The following SPICE1 variants were observed in gnomAD, a reference collection of about 807,000 sequenced individuals.
The protein encoded by SPICE1 is spindle and centriole-associated protein 1.
Under a neutral mutation model 102.7 loss-of-function variants are expected in SPICE1, and 75 were observed. The observed-to-expected ratio is 0.73, with a 90% CI of 0.61 to 0.88. The LOEUF (loss-of-function observed/expected upper bound fraction) is 0.88. Among genes scored for constraint, SPICE1 ranks in the 40% least tolerant of loss-of-function variants. SPICE1 has a pLI of 0.00. For synonymous variants in SPICE1, 308 were observed against 350.3 expected, an observed-to-expected ratio of 0.88 and a Z score of 1.35; for missense variants, 979 against 1,020.1, an observed-to-expected ratio of 0.96 and a Z score of 0.55.
chr3:113,473,038 A>G (rs530336035), intron 7 of SPICE1, among the ~76,000 whole-genome samples: 4 of 152,310 alleles, frequency 2.6e-5, no homozygotes, highest in Non-Finnish European at 5.9e-5. Context: ...AAAACTTTGA[A>G]AAAAATTTAG....
At chr3:113,488,064 A>T (rs1936684229) in intron 7 of SPICE1, among the ~76,000 whole-genome samples, 1 of 152,226 alleles carries the variant, frequency 6.6e-6, no homozygotes, top group Non-Finnish European at 1.5e-5. Context: ...TAAATATAAT[A>T]AGTGATTACG....
intron 11 of SPICE1, 80 bp downstream of exon 11, chr3:113,465,573 C>A (rs1559961709): frequency 7.7e-7 from 1 of 1,297,664 alleles, no homozygotes; most frequent in South Asian, 1.5e-5. Flanking sequence ...AAACCAAAAG[C>A]AACTCTAAGA....
intron 11 of SPICE1, among the ~76,000 whole-genome samples, chr3:113,464,206 T>C (rs1313707135): frequency 2.6e-5 from 4 of 151,872 alleles, no homozygotes. Context: ...GAGGACTTAA[T>C]GGTATGTGAA....
chr3:113,454,435 G>A (rs78207192), intron 13 of SPICE1, among the ~76,000 whole-genome samples: 6,044 of 152,144 alleles, frequency 0.04, 150 homozygotes, highest in East Asian at 0.1. Context: ...TTGGCCGGGC[G>A]CGGTGGCTCA....
In SPICE1 at chr3:113,515,127, G is replaced by A. The variant is rs1937298951; in HGVS notation, c.-231C>T. ...GCCGCCACCGCAGCTAAAACTTCAG[G>A]CGCCGGAACCGCGGAGCGCGCCACA... is the stretch of plus-strand genomic sequence containing the variant. On this transcript the variant is annotated 5_prime_UTR_variant, in exon 1 of 18. Transcript: ENST00000295872. 6.0e-6 allele frequency: 1 copy of A among 166,814 alleles called. No homozygotes were observed. The highest frequency in any genetic ancestry group is 1.3e-5 in the Non-Finnish European group (1 of 76,782). The allele number at this position is 166,814 out of a possible 1,614,324, so 10.3% of individuals were successfully genotyped here.
intron 16 of SPICE1, 129 bp from the exon 17 acceptor site, chr3:113,446,805 G>A (rs990715382): frequency 6.4e-5 from 46 of 721,918 alleles, no homozygotes; most frequent in South Asian, 5.3e-4. Context: ...TAGGTCCAAC[G>A]AGGTAAATTA....
intron 7 of SPICE1, among the ~76,000 whole-genome samples, chr3:113,470,524 T>C (rs916841547): frequency 2.0e-5 from 3 of 152,322 alleles, no homozygotes; most frequent in South Asian, 4.1e-4. Context: ...CTAGCTTAAA[T>C]TGAAAGACAC....
intron 7 of SPICE1, among the ~76,000 whole-genome samples, chr3:113,476,766 C>T (rs1208725827): frequency 1.3e-5 from 2 of 150,036 alleles, no homozygotes; most frequent in Non-Finnish European, 3.0e-5. Context: ...CTTCCTTACA[C>T]CTTATACAAA....
chr3:113,493,580 C>G (rs1160413862), intron 5 of SPICE1, among the ~76,000 whole-genome samples: 9 of 152,122 alleles, frequency 5.9e-5, no homozygotes, highest in Admixed American at 5.9e-4. Context: ...CCCAGAGTAA[C>G]ACTAATAGAT....
At position 113,475,517 on chromosome 3, in the gene SPICE1, T is replaced by C. The variant is rs537254121; in HGVS notation, c.612-6279A>G. On this transcript the variant is annotated intron_variant, in intron 7 of 17. Coordinates refer to ENST00000295872, the MANE Select transcript of SPICE1 (RefSeq NM_144718.4). Reference sequence around the variant, plus strand: ...TTTAGACCAATATCCTTGATGAACATTGATGCAAAAATCCTCAATAAAATA... The same window carrying C: ...TTTAGACCAATATCCTTGATGAACACTGATGCAAAAATCCTCAATAAAATA... Among the ~76,000 whole-genome samples the C allele has an allele frequency of 3.9e-5, 6 of 152,070 alleles. No individual in the cohort carries two copies. The East Asian group carries it at 7.7e-4, about 20-fold the overall frequency.
At position 113,459,468 on chromosome 3, in the gene SPICE1, A is replaced by G. The variant is rs538801154; in HGVS notation, c.1435+1149T>C. On this transcript the variant is annotated intron_variant, in intron 12 of 17. Transcript: ENST00000295872. ...AAACAAAACAAAACAAAAAAAAACA[A>G]TAATTCTACAATATATTTACTCCCA... 7 of 979,614 alleles carry G rather than the reference A, an allele frequency of 7.1e-6. No individual in the cohort carries two copies. The South Asian group carries it at 3.3e-4, about 46-fold the overall frequency. The allele number at this position is 979,614 out of a possible 1,614,324, so 60.7% of individuals were successfully genotyped here. A position where few individuals can be genotyped will look rare whatever the true frequency, so the allele number is the denominator to read the frequency against.
rs979463058 is a variant in SPICE1 at position 113,468,013 on chromosome 3, G to A, written c.1155+126C>T. On this transcript the variant is annotated intron_variant, in intron 10 of 17. Coordinates refer to ENST00000295872, the MANE Select transcript of SPICE1 (RefSeq NM_144718.4). ...CCTTTACTGCAGATAATCTAAAACT[G>A]AGGTATTTTAAACGAAGCTATTCAA... is the stretch of plus-strand genomic sequence containing the variant. 10 of 1,122,288 alleles carry A rather than the reference G, an allele frequency of 8.9e-6. No individual in the cohort carries two copies. In the South Asian group the frequency reaches 1.4e-4, roughly 16 times the overall value. 69.5% of individuals were successfully genotyped at this position (1,122,288 alleles called of 1,614,324 possible).
At chr3:113,481,818 G>T (rs570246446) in intron 7 of SPICE1, among the ~76,000 whole-genome samples, 1 of 152,216 alleles carries the variant, frequency 6.6e-6, no homozygotes, top group South Asian at 2.1e-4. Context: ...GTCTATCATT[G>T]ATGGGCACAT....
intron 12 of SPICE1, 55 bp downstream of exon 12, chr3:113,460,562 A>G: frequency 6.5e-7 from 1 of 1,546,574 alleles, no homozygotes; most frequent in Admixed American, 2.1e-5. Context: ...TTGGTTTGTT[A>G]TCTAAGGCCA....
intron 7 of SPICE1, among the ~76,000 whole-genome samples, chr3:113,474,574 T>C (rs1481242991): frequency 6.6e-6 from 1 of 151,912 alleles, no homozygotes; most frequent in Non-Finnish European, 1.5e-5. Context: ...AGAACAGAAA[T>C]TATAACAAAC....
At chr3:113,478,737 A>C (rs950902174) in intron 7 of SPICE1, among the ~76,000 whole-genome samples, 4 of 152,184 alleles carry the variant, frequency 2.6e-5, no homozygotes, top group Non-Finnish European at 5.9e-5. Flanking sequence ...CAATATAATC[A>C]GTGAGGTAGA....
At chr3:113,499,252 G>A (rs1049609680) in intron 4 of SPICE1, 187 bp downstream of exon 4, 17 of 523,348 alleles carry the variant, frequency 3.2e-5, no homozygotes, top group African/African-American at 5.8e-5. Flanking sequence ...TAGTAGAACA[G>A]GAATTCAAAC....
At chr3:113,514,662 G>A (rs1283640835) in intron 1 of SPICE1, 1 of 731,326 alleles carries the variant, frequency 1.4e-6, no homozygotes, top group Admixed American at 2.3e-5. Flanking sequence ...ACTCACAGGA[G>A]GAGCCTTCTG....
At chr3:113,453,364 CTTT>C in intron 14 of SPICE1, 99 bp downstream of exon 14, 1 of 1,443,252 alleles carries the variant, frequency 6.9e-7, no homozygotes, top group South Asian at 1.4e-5. Context: ...AGCCTCAAAG[CTTT>C]CTAGGATCAC....
Sources: gnomAD v4.1 joint callset for allele counts (sites outside exome capture counted in the v4.1 genomes callset) on GRCh38, gnomAD v4.1.1 for gene constraint, MANE v1.5 for transcripts, NCBI Gene and HGNC (gene_info 2026-07-23, HGNC 2026-07-21) for gene names.